MEGF10: variants seen among roughly 807,000 people sequenced by gnomAD.
MEGF10 encodes the protein multiple epidermal growth factor-like domains protein 10.
MEGF10 carries 86 observed loss-of-function variants against 147.5 expected under a neutral mutation model. That is an observed-to-expected ratio of 0.58 (90% CI 0.49 to 0.70). The LOEUF (loss-of-function observed/expected upper bound fraction) is 0.70. Among genes scored for constraint, MEGF10 ranks in the 30% least tolerant of loss-of-function variants. The pLI is 0.00. For missense variants in MEGF10, 1,329 were observed against 1,487.3 expected (o/e 0.89, Z 1.75); for synonymous variants, 478 against 525.5 (o/e 0.91, Z 1.24).
upstream of MEGF10, among the ~76,000 whole-genome samples, chr5:127,288,810 T>C (rs1004063536): frequency 4.6e-5 from 7 of 152,214 alleles, no homozygotes; most frequent in African/African-American, 1.7e-4. Context: ...TAACCCCATA[T>C]TGAAAACATC....
At chr5:127,307,063 T>C (rs910550612) in intron 1 of MEGF10, among the ~76,000 whole-genome samples, 2 of 152,186 alleles carry the variant, frequency 1.3e-5, no homozygotes, top group African/African-American at 2.4e-5. Flanking sequence ...GGCATGGCCT[T>C]GAATGAAACA....
chr5:127,452,678 C>A (rs558260270), intron 22 of MEGF10, among the ~76,000 whole-genome samples: 1 of 152,264 alleles, frequency 6.6e-6, no homozygotes, highest in Non-Finnish European at 1.5e-5. Flanking sequence ...GCCCAAACCC[C>A]CCACCATAAA....
Position 127,401,484 on chromosome 5 carries a change from G to C in MEGF10, c.781-1062G>C, listed in dbSNP as rs561612738. Reference sequence around the variant, plus strand: ...CAACTGCCTTTGTGGGTAGCCAGGAGTTAGAGGAAGTGTATTTTCTTATGC... The same window carrying C: ...CAACTGCCTTTGTGGGTAGCCAGGACTTAGAGGAAGTGTATTTTCTTATGC... On this transcript the variant is annotated intron_variant, in intron 7 of 24. Coordinates refer to ENST00000503335, the MANE Select transcript of MEGF10 (RefSeq NM_001256545.2). Among the ~76,000 whole-genome samples, 209 of 152,306 alleles carry C rather than the reference G, an allele frequency of 1.4e-3. 1 individual carries two copies. The highest frequency in any genetic ancestry group is 4.6e-3 in the African/African-American group (193 of 41,564).
At chr5:127,434,541 T>G in intron 14 of MEGF10, 146 bp from the exon 15 acceptor site, 1 of 888,788 alleles carries the variant, frequency 1.1e-6, no homozygotes, top group Non-Finnish European at 1.6e-6. Context: ...TTGTTCTTGT[T>G]TTCTACTTGG....
chr5:127,341,308 G>A (rs1761674872), intron 4 of MEGF10, among the ~76,000 whole-genome samples: 3 of 152,130 alleles, frequency 2.0e-5, no homozygotes, highest in South Asian at 4.1e-4. Flanking sequence ...GATCATTAAA[G>A]ACTATTTTAT....
At chr5:127,235,883 T>A in the MEGF10 span, among the ~76,000 whole-genome samples, 25 of 152,336 alleles carry the variant, frequency 1.6e-4, no homozygotes, top group East Asian at 4.6e-3. Context: ...AACAATATAC[T>A]AACAATATTT....
intron 22 of MEGF10, 93 bp downstream of exon 22, chr5:127,449,315 G>A (rs924198118): frequency 6.5e-7 from 1 of 1,546,370 alleles, no homozygotes; most frequent in African/African-American, 1.4e-5. Flanking sequence ...GTGTTCTATT[G>A]AAAACTTGCA....
intron 2 of MEGF10, among the ~76,000 whole-genome samples, chr5:127,334,935 C>T (rs912071418): frequency 3.9e-5 from 6 of 152,112 alleles, no homozygotes; most frequent in East Asian, 1.9e-4. Flanking sequence ...CACTTTGGAA[C>T]GTGCCCAAGT....
intron 4 of MEGF10, among the ~76,000 whole-genome samples, chr5:127,353,883 G>A (rs1352048165): frequency 1.3e-5 from 2 of 152,200 alleles, no homozygotes; most frequent in Non-Finnish European, 2.9e-5. Flanking sequence ...TTATTGCCTG[G>A]CAGGCCAGCT....
At position 127,383,235 on chromosome 5, in the gene MEGF10, A is replaced by G. The variant is rs571814395; in HGVS notation, c.412+13233A>G. The stretch of plus-strand genomic sequence containing the variant: ...AAGGTAAATTTTTTGGAGGCTGTTA[A>G]TGTAGTGAAATGTTACATAGCAGTT... On this transcript the variant is annotated intron_variant, in intron 5 of 24. Coordinates refer to ENST00000503335, the MANE Select transcript of MEGF10 (RefSeq NM_001256545.2). Among the ~76,000 whole-genome samples the G allele has an allele frequency of 1.7e-3, 265 of 152,340 alleles. 1 individual carries two copies. Among genetic ancestry groups the G allele is most frequent in the African/African-American group, 6.0e-3 (250 of 41,568 alleles).
the MEGF10 span, among the ~76,000 whole-genome samples, chr5:127,282,104 G>A: frequency 6.6e-6 from 1 of 152,178 alleles, no homozygotes; most frequent in African/African-American, 2.4e-5. Context: ...GGTTGGAGAT[G>A]GCTGGTTTCT....
chr5:127,256,926 C>T, the MEGF10 span, among the ~76,000 whole-genome samples: 1 of 152,214 alleles, frequency 6.6e-6, no homozygotes, highest in East Asian at 1.9e-4. Context: ...TTGCCCTAAT[C>T]CCATGAGGTC....
intron 1 of MEGF10, among the ~76,000 whole-genome samples, chr5:127,325,134 G>A (rs140374526): frequency 2.6e-5 from 4 of 152,128 alleles, no homozygotes; most frequent in African/African-American, 9.7e-5. Flanking sequence ...GTGATTTCTA[G>A]TTTCCTTTCT....
intron 4 of MEGF10, among the ~76,000 whole-genome samples, chr5:127,346,493 A>G (rs1396338618): frequency 1.3e-5 from 2 of 152,070 alleles, no homozygotes; most frequent in African/African-American, 2.4e-5. Context: ...TTTGTTGGCC[A>G]TTTATATATC....
chr5:127,328,715 G>A (rs1761138478), intron 1 of MEGF10, among the ~76,000 whole-genome samples: 1 of 151,932 alleles, frequency 6.6e-6, no homozygotes, highest in Non-Finnish European at 1.5e-5. Context: ...GATGACTCAG[G>A]AAATAAACTT....
intron 4 of MEGF10, among the ~76,000 whole-genome samples, chr5:127,349,483 A>G (rs1446723824): frequency 6.6e-6 from 1 of 152,122 alleles, no homozygotes; most frequent in African/African-American, 2.4e-5. Flanking sequence ...CTCTAGACTC[A>G]TTAAACACTA....
intron 1 of MEGF10, among the ~76,000 whole-genome samples, chr5:127,312,118 C>T (rs1459090252): frequency 2.0e-5 from 3 of 152,146 alleles, no homozygotes; most frequent in Non-Finnish European, 2.9e-5. Flanking sequence ...TCTCACTGTG[C>T]CTCCTTTTCA....
At chr5:127,375,256 T>A (rs1762982063) in intron 5 of MEGF10, among the ~76,000 whole-genome samples, 1 of 152,182 alleles carries the variant, frequency 6.6e-6, no homozygotes, top group Middle Eastern at 3.2e-3. Context: ...ACATGGGTGA[T>A]TAAGGGACTG....
intron 1 of MEGF10, among the ~76,000 whole-genome samples, chr5:127,299,460 G>C (rs750334622): frequency 6.6e-6 from 1 of 152,158 alleles, no homozygotes; most frequent in Admixed American, 6.5e-5. Context: ...TTTCAAACTG[G>C]ATTCTAGCCC....
Sources: gnomAD v4.1 joint callset for allele counts (sites outside exome capture counted in the v4.1 genomes callset) on GRCh38, gnomAD v4.1.1 for gene constraint, MANE v1.5 for transcripts, NCBI Gene and HGNC (gene_info 2026-07-23, HGNC 2026-07-21) for gene names.